The following TMEM117 variants were observed in gnomAD, a reference collection of about 807,000 sequenced individuals.
The protein encoded by TMEM117 is transmembrane protein 117.
TMEM117 carries 27 observed loss-of-function variants against 52.4 expected under a neutral mutation model. The ratio of observed to expected loss-of-function variants is 0.51; its 90% CI spans 0.38 to 0.71. TMEM117 has a LOEUF of 0.71. TMEM117 is among the 30% of genes least tolerant of loss of function. The probability of loss-of-function intolerance (pLI) is 0.00; values close to 1 mark genes in which losing one functional copy is unlikely to be tolerated. For synonymous variants in TMEM117, 215 were observed against 206.3 expected (o/e 1.04, Z -0.36); for missense variants, 556 against 630.5 (o/e 0.88, Z 1.26).
chr12:44,121,069 A>G (rs1445896763), intron 3 of TMEM117, among the ~76,000 whole-genome samples: 1 of 152,172 alleles, frequency 6.6e-6, no homozygotes, highest in Non-Finnish European at 1.5e-5. Flanking sequence ...GCAAGAGAAG[A>G]GAGCTTGTGC....
At chr12:43,833,554 G>A (rs1407893275), upstream of TMEM117, among the ~76,000 whole-genome samples, 1 of 152,100 alleles carries the variant, frequency 6.6e-6, no homozygotes, top group Non-Finnish European at 1.5e-5. Context: ...AGCACTTTGG[G>A]AGGCCGAGGC....
chr12:44,008,264 A>G (rs1946233364), intron 3 of TMEM117, among the ~76,000 whole-genome samples: 1 of 152,170 alleles, frequency 6.6e-6, no homozygotes, highest in Non-Finnish European at 1.5e-5. Flanking sequence ...TCTCCTGACA[A>G]AGAATAAAGA....
Position 44,231,457 on chromosome 12 carries a change from G to C in TMEM117, c.608+20070G>C, listed in dbSNP as rs930333360. Among the ~76,000 whole-genome samples, 4 of 151,528 alleles carry C rather than the reference G, an allele frequency of 2.6e-5. No individual in the cohort carries two copies. In the South Asian group the frequency reaches 8.3e-4, roughly 31 times the overall value. ...TCTTCAGGATCATTCTTGCATACAT[G>C]TCTCTTGGATGATGGGTATCCCCAT... On this transcript the variant is annotated intron_variant, in intron 5 of 7. Transcript: ENST00000266534.
the TMEM117 span, among the ~76,000 whole-genome samples, chr12:43,813,231 G>GTTGTTTTTTTTTTTTT: frequency 3.2e-5 from 2 of 62,618 alleles, no homozygotes; most frequent in Admixed American, 1.9e-4. Context: ...GTTTTCTCTT[G>GTTGTTTTTTTTTTTTT]TTTTTTTTTT....
At position 44,042,761 on chromosome 12, in the gene TMEM117, T is replaced by TACACACACAC. The variant is rs61350418; in HGVS notation, c.410+98458_410+98467dup. 6.1e-3 allele frequency among the ~76,000 whole-genome samples: 805 copies of TACACACACAC among 132,132 alleles called. 9 individuals carry two copies. The highest frequency in any genetic ancestry group is 0.017 in the African/African-American group (625 of 35,986). 86.7% of individuals were successfully genotyped at this position (132,132 alleles called of 152,430 possible). A position where few individuals can be genotyped will look rare whatever the true frequency, so the allele number is the denominator to read the frequency against. On this transcript the variant is annotated intron_variant, in intron 3 of 7. Coordinates refer to ENST00000266534, the MANE Select transcript of TMEM117 (RefSeq NM_032256.3). ...TTGTGTAAGTTAATCCTTAATAAAC[T>TACACACACAC]ACACACACACACACACACACACACA...
intron 3 of TMEM117, among the ~76,000 whole-genome samples, chr12:44,022,744 A>G (rs1424567692): frequency 6.6e-6 from 1 of 152,242 alleles, no homozygotes; most frequent in Non-Finnish European, 1.5e-5. Context: ...AAGTTTCCCC[A>G]AATCATCAAA....
intron 3 of TMEM117, among the ~76,000 whole-genome samples, chr12:44,128,060 T>A (rs1948355623): frequency 6.6e-6 from 1 of 152,228 alleles, no homozygotes; most frequent in South Asian, 2.1e-4. Flanking sequence ...TTTATGCTTC[T>A]AATGTTCCCA....
At chr12:43,800,646 G>A in the TMEM117 span, 2 of 724,202 alleles carry the variant, frequency 2.8e-6, no homozygotes, top group Admixed American at 4.9e-5. Context: ...CTGAGCTGAA[G>A]TCCACCCACT....
chr12:44,158,319 A>G (rs1053613097), intron 4 of TMEM117, among the ~76,000 whole-genome samples: 1 of 152,198 alleles, frequency 6.6e-6, no homozygotes, highest in Admixed American at 6.6e-5. Flanking sequence ...CAGGGGAATC[A>G]TAAAGGCAAG....
At chr12:44,264,688 A>G (rs1341847652) in intron 5 of TMEM117, among the ~76,000 whole-genome samples, 3 of 152,288 alleles carry the variant, frequency 2.0e-5, no homozygotes, top group Non-Finnish European at 4.4e-5. Context: ...GAAAAAACAG[A>G]TGCTTTTTCT....
At chr12:44,021,440 A>T (rs564197670) in intron 3 of TMEM117, among the ~76,000 whole-genome samples, 148 of 152,316 alleles carry the variant, frequency 9.7e-4, no homozygotes, top group African/African-American at 4.8e-5. Flanking sequence ...GTATAGTGTT[A>T]TAGAACGGGC....
At chr12:44,197,041 CA>C (rs1259948145) in intron 4 of TMEM117, among the ~76,000 whole-genome samples, 5 of 152,280 alleles carry the variant, frequency 3.3e-5, no homozygotes, top group Admixed American at 6.5e-5. Flanking sequence ...TGGTATTATG[CA>C]AACAAAATGG....
intron 5 of TMEM117, among the ~76,000 whole-genome samples, chr12:44,268,568 A>G (rs1273786403): frequency 1.3e-5 from 2 of 152,088 alleles, no homozygotes; most frequent in Non-Finnish European, 2.9e-5. Flanking sequence ...CATATTACAT[A>G]TGTATGAGTT....
rs371119602 is a variant in TMEM117, at chr12:43,966,458, A to G, written c.410+22116A>G. Among the ~76,000 whole-genome samples, 10 of 152,226 alleles carry G rather than the reference A, an allele frequency of 6.6e-5. No individual in the cohort carries two copies. The East Asian group carries it at 1.2e-3, about 18-fold the overall frequency. On this transcript the variant is annotated intron_variant, in intron 3 of 7. Coordinates refer to ENST00000266534, the MANE Select transcript of TMEM117 (RefSeq NM_032256.3). ...TAATAACACAGAAGAAAACACATAG[A>G]TTATGATGTTCATGCCTAACTTAAA...
intron 5 of TMEM117, among the ~76,000 whole-genome samples, chr12:44,254,645 A>G (rs908878116): frequency 6.6e-6 from 1 of 150,820 alleles, no homozygotes; most frequent in Non-Finnish European, 1.5e-5. Flanking sequence ...TTAAGAAAGT[A>G]CCAGATATAT....
chr12:44,227,680 A>G (rs1173871468), intron 5 of TMEM117, among the ~76,000 whole-genome samples: 1 of 152,108 alleles, frequency 6.6e-6, no homozygotes, highest in Non-Finnish European at 1.5e-5. Context: ...GTGCTTTACA[A>G]TGTAGAAAGG....
intron 3 of TMEM117, among the ~76,000 whole-genome samples, chr12:44,130,810 A>G (rs567801303): frequency 2.6e-5 from 4 of 152,004 alleles, no homozygotes; most frequent in East Asian, 1.9e-4. Context: ...TTTAGTTTGC[A>G]TATCATTTAA....
intron 2 of TMEM117, among the ~76,000 whole-genome samples, chr12:43,933,803 C>T (rs749820654): frequency 2.6e-5 from 4 of 151,682 alleles, no homozygotes; most frequent in South Asian, 2.1e-4. Context: ...CCTTGTGATC[C>T]GCCGGCTTCA....
intron 6 of TMEM117, among the ~76,000 whole-genome samples, chr12:44,343,542 G>C (rs1016417576): frequency 3.3e-5 from 5 of 152,068 alleles, no homozygotes; most frequent in Non-Finnish European, 7.4e-5. Context: ...AAGTGAAATG[G>C]TAGTTGCCAG....
Sources: allele counts gnomAD v4.1 joint callset (sites outside exome capture counted in the v4.1 genomes callset), GRCh38; gene constraint gnomAD v4.1.1; transcripts MANE v1.5; gene names NCBI Gene and HGNC (gene_info 2026-07-23, HGNC 2026-07-21).